Variants in TSPAN4 observed in about 807,000 individuals in gnomAD.
TSPAN4 encodes the protein tetraspanin-4.
A neutral mutation model predicts 31.5 loss-of-function variants in TSPAN4; 38 were observed. The ratio of observed to expected loss-of-function variants is 1.21; its 90% CI spans 0.93 to 1.58. The LOEUF is 1.58. Among genes scored for constraint, TSPAN4 ranks in the 40% most tolerant of loss-of-function variants. The pLI is 0.00. For missense variants in TSPAN4, 330 were observed against 317.3 expected (o/e 1.04, Z -0.30); for synonymous variants, 186 against 144.6 (o/e 1.29, Z -2.06).
At chr11:865,077 C>T (rs544493980) in intron 5 of TSPAN4, 22 of 188,278 alleles carry the variant, frequency 1.2e-4, no homozygotes, top group African/African-American at 2.8e-4. Context: ...CACTGCAGGG[C>T]GCTCCAGGCT....
At chr11:854,933 C>T (rs867199298) in intron 3 of TSPAN4, among the ~76,000 whole-genome samples, 55 of 152,342 alleles carry the variant, frequency 3.6e-4, no homozygotes, top group Admixed American at 1.3e-3. Context: ...ATCAATTGTT[C>T]GGAAACAATC....
chr11:848,732 TGCCAGGAATCTGG>T lies in TSPAN4; in HGVS notation c.-18+1437_-18+1449del. On this transcript the variant is annotated intron_variant, in intron 2 of 8. Transcript: ENST00000397397. This position sits in a 1 kb window ranked among gnomAD's most constrained non-coding sequence, Gnocchi z 5.7. The stretch of plus-strand genomic sequence containing the variant: ...CCCCACCTCTGGGCTTCAGGTCATC[TGCCAGGAATCTGG>T]GCCACGTGCTGATATCTTCCCAACA... The T allele has an allele frequency of 1.9e-6, 1 of 525,906 alleles. No individual in the cohort carries two copies. Among genetic ancestry groups the T allele is most frequent in the Non-Finnish European group, 3.4e-6 (1 of 294,226 alleles). 32.6% of individuals were successfully genotyped at this position (525,906 alleles called of 1,614,324 possible). A position where few individuals can be genotyped will look rare whatever the true frequency, so the allele number is the denominator to read the frequency against.
chr11:865,286 C>T, intron 5 of TSPAN4: 4 of 574,880 alleles, frequency 7.0e-6, no homozygotes, highest in Non-Finnish European at 9.4e-6. Context: ...CCCCAGGACC[C>T]ATGGTCCTCC....
intron 1 of TSPAN4, among the ~76,000 whole-genome samples, chr11:845,661 C>G (rs1847277558): frequency 6.6e-6 from 1 of 151,936 alleles, no homozygotes; most frequent in Admixed American, 6.5e-5. Context: ...AAGGTGCCCC[C>G]CACCCAGGGT....
chr11:847,887 A>G (rs1422855327), intron 2 of TSPAN4, among the ~76,000 whole-genome samples: 2 of 152,076 alleles, frequency 1.3e-5, no homozygotes, highest in African/African-American at 4.8e-5. Flanking sequence ...AGAGGGACGC[A>G]GGGGAGATGG....
intron 3 of TSPAN4, among the ~76,000 whole-genome samples, chr11:861,354 C>T (rs1037894761): frequency 1.3e-5 from 2 of 152,170 alleles, no homozygotes; most frequent in Non-Finnish European, 2.9e-5. Context: ...GTGGCTCATG[C>T]CTGTAATCTC....
intron 5 of TSPAN4, chr11:864,790 C>A: frequency 5.5e-6 from 3 of 542,622 alleles, no homozygotes; most frequent in Non-Finnish European, 1.0e-5. Flanking sequence ...CGTCCTGAGC[C>A]GTCTGCTCCC....
chr11:863,036 C>T (rs752334711), intron 4 of TSPAN4: 15 of 360,048 alleles, frequency 4.2e-5, no homozygotes, highest in South Asian at 1.0e-4. Flanking sequence ...GGCACAGCCC[C>T]GCACACACGT....
At chr11:865,479 G>C (rs759073633) in intron 5 of TSPAN4, 34 bp from the exon 6 acceptor site, 1 of 1,564,182 alleles carries the variant, frequency 6.4e-7, no homozygotes, top group Non-Finnish European at 8.8e-7. Context: ...GGGTACAGTG[G>C]GAGGGGCCCT....
chr11:862,817 T>C (rs1238506466), intron 4 of TSPAN4, 76 bp downstream of exon 4: 1 of 1,426,600 alleles, frequency 7.0e-7, no homozygotes, highest in Non-Finnish European at 9.3e-7. Flanking sequence ...AGGCCTTGGC[T>C]GCCGCAGTGA....
In TSPAN4 at chr11:865,568, A is replaced by G. The variant is rs769724040; in HGVS notation, c.386A>G (p.Gln129Arg). 11 of 1,612,598 alleles carry G rather than the reference A, an allele frequency of 6.8e-6. No individual in the cohort carries two copies. The Admixed American group carries it at 1.0e-4, about 15-fold the overall frequency. ...AAAGGCTTGCACCTGTACGGCACGC[A>G]GGGCAACGTGGGCCTCACCAACGCC... ...LKKGLHLYGT[Q>R]GNVGLTNAWS... Residue 129 changes from glutamine (Q) to arginine (R), a missense_variant, in exon 6 of 9, where the codon CAG becomes CGG. Transcript: ENST00000397397.
intron 2 of TSPAN4, among the ~76,000 whole-genome samples, chr11:847,784 A>G (rs897166880): frequency 1.3e-5 from 2 of 152,104 alleles, no homozygotes; most frequent in Admixed American, 6.5e-5. Context: ...CGCTGGGCTC[A>G]GTGCAGGCAC....
At chr11:856,343 A>C (rs1487395925) in intron 3 of TSPAN4, among the ~76,000 whole-genome samples, 1 of 151,226 alleles carries the variant, frequency 6.6e-6, no homozygotes, top group Non-Finnish European at 1.5e-5. Flanking sequence ...AGATGGTCTC[A>C]CGCAGGTCCT....
chr11:863,546 G>C (rs930316754), intron 4 of TSPAN4: 1 of 152,334 alleles, frequency 6.6e-6, no homozygotes, highest in Non-Finnish European at 1.5e-5. Context: ...GGAGGCAGTC[G>C]GTGGGGGTCT....
chr11:850,584 CAG>C (rs1344024948), intron 3 of TSPAN4, among the ~76,000 whole-genome samples: 1 of 152,138 alleles, frequency 6.6e-6, no homozygotes, highest in African/African-American at 2.4e-5. Context: ...CCCCTGCACT[CAG>C]AGCGGCTGCC....
At chr11:864,740 G>T in intron 5 of TSPAN4, 1 of 600,398 alleles carries the variant, frequency 1.7e-6, no homozygotes, top group Non-Finnish European at 2.9e-6. Context: ...TACCCCACCC[G>T]GAGGGTGCGC....
intron 3 of TSPAN4, among the ~76,000 whole-genome samples, chr11:853,499 T>C (rs926583445): frequency 3.9e-5 from 6 of 151,964 alleles, no homozygotes; most frequent in African/African-American, 1.5e-4. Context: ...CTTTACAGCG[T>C]TGGTTCGGAT....
At chr11:844,910 C>T (rs553426124) in intron 1 of TSPAN4, among the ~76,000 whole-genome samples, 45 of 152,264 alleles carry the variant, frequency 3.0e-4, no homozygotes, top group African/African-American at 1.0e-3. Context: ...ACCCCTCCCA[C>T]CCTGGGTGTT....
intron 3 of TSPAN4, among the ~76,000 whole-genome samples, chr11:854,496 C>CCT (rs61008086): frequency 0.66 from 99,880 of 151,944 alleles, 34,428 homozygotes; most frequent in Admixed American, 0.77. Context: ...TTCCCCACCA[C>CCT]CTGCGCTGAT....
Sources: allele counts gnomAD v4.1 joint callset (sites outside exome capture counted in the v4.1 genomes callset), GRCh38; gene constraint gnomAD v4.1.1; non-coding constraint Gnocchi (gnomAD v3.1); transcripts MANE v1.5; gene names NCBI Gene and HGNC (gene_info 2026-07-23, HGNC 2026-07-21).